Variants in IL6R observed in about 807,000 individuals in gnomAD.
The protein encoded by IL6R is interleukin-6 receptor subunit alpha.
A neutral mutation model predicts 48.3 loss-of-function variants in IL6R; 38 were observed. That is an observed-to-expected ratio of 0.79 (90% CI 0.61 to 1.03). The LOEUF (loss-of-function observed/expected upper bound fraction) is 1.03. Ranked by LOEUF, IL6R falls within the 50% of genes least tolerant of loss-of-function variation. The pLI, the probability that IL6R is intolerant of heterozygous loss-of-function variation, is 0.00. For missense variants in IL6R, 534 were observed against 618.3 expected, an observed-to-expected ratio of 0.86 and a Z score of 1.45; for synonymous variants, 264 against 256.2, an observed-to-expected ratio of 1.03 and a Z score of -0.29.
intron 1 of IL6R, among the ~76,000 whole-genome samples, chr1:154,423,279 A>ATATATG (rs1688788858): frequency 7.1e-6 from 1 of 140,754 alleles, no homozygotes; most frequent in African/African-American, 2.6e-5. Flanking sequence ...ATATATATAT[A>ATATATG]TATATGTATT....
At chr1:154,414,795 C>T in intron 1 of IL6R, 1 of 758,974 alleles carries the variant, frequency 1.3e-6, no homozygotes, top group Non-Finnish European at 2.4e-6. Flanking sequence ...CCATGTGGAA[C>T]TCAGCCACCC....
In IL6R at chr1:154,454,348, AT is replaced by A. The variant is rs1690751754; in HGVS notation, c.1067-136del. 1.3e-5 allele frequency: 8 copies of A among 624,474 alleles called. No individual in the cohort carries two copies. The East Asian group carries it at 2.2e-4, about 17-fold the overall frequency. The allele number at this position is 624,474 out of a possible 1,614,324, so 38.7% of individuals were successfully genotyped here. A position where few individuals can be genotyped will look rare whatever the true frequency, so the allele number is the denominator to read the frequency against. On this transcript the variant is annotated intron_variant, in intron 8 of 9. Transcript: ENST00000368485. ...GCCTGTTGGTTGGCAGAGCTGTTTC[AT>A]TTTCTGGGAGGGGGGTTGGAGGGGA...
chr1:154,415,191 G>A, intron 1 of IL6R: 1 of 694,014 alleles, frequency 1.4e-6, no homozygotes, highest in Non-Finnish European at 2.6e-6. Context: ...GGAGCTCAAG[G>A]CGCCGGCTGC....
At chr1:154,430,693 A>ACATTAT in intron 3 of IL6R, 87 bp downstream of exon 3, 1 of 1,529,684 alleles carries the variant, frequency 6.5e-7, no homozygotes, top group South Asian at 1.1e-5. Flanking sequence ...TGATTTCAAA[A>ACATTAT]CATTATCATT....
chr1:154,461,728 G>A (rs889694387), intron 9 of IL6R, among the ~76,000 whole-genome samples: 3 of 151,960 alleles, frequency 2.0e-5, no homozygotes, highest in Non-Finnish European at 2.9e-5. Flanking sequence ...TCAGTGTCTT[G>A]CCTCGGCACC....
At chr1:154,431,885 C>T (rs955370587) in intron 3 of IL6R, among the ~76,000 whole-genome samples, 3 of 152,192 alleles carry the variant, frequency 2.0e-5, no homozygotes, top group African/African-American at 7.2e-5. Context: ...TCTCGTCACA[C>T]TTCTCAGAAC....
chr1:154,454,257 TC>T (rs111309904), intron 8 of IL6R: 7 of 554,686 alleles, frequency 1.3e-5, no homozygotes, highest in African/African-American at 1.9e-5. Flanking sequence ...AATCCTGGAA[TC>T]TAGAGTGGGC....
rs564796842 is a variant in IL6R at position 154,415,850 on chromosome 1, G to T, written c.85+10136G>T. 1.8e-3 allele frequency among the ~76,000 whole-genome samples: 276 copies of T among 152,074 alleles called. 1 individual carries two copies. The highest frequency in any genetic ancestry group is 6.5e-3 in the African/African-American group (268 of 41,484). On this transcript the variant is annotated intron_variant, in intron 1 of 9. Transcript: ENST00000368485. ...AAAAAGTAGCCAGCTGTGGTGACAG[G>T]CACCTGTAATCCCAGCTACTCCGGA...
chr1:154,443,931 G>A (rs1690067936), intron 6 of IL6R, among the ~76,000 whole-genome samples: 1 of 152,098 alleles, frequency 6.6e-6, no homozygotes, highest in African/African-American at 2.4e-5. Context: ...TTGTCCAGGG[G>A]ACACCCCACC....
intron 1 of IL6R, chr1:154,414,947 G>A: frequency 1.6e-6 from 2 of 1,242,722 alleles, no homozygotes; most frequent in Non-Finnish European, 2.3e-6. Flanking sequence ...TCCTCGCATA[G>A]GATGCTCCAC....
At position 154,426,076 on chromosome 1, in the gene IL6R, G is replaced by GACACACACACACAC. The variant is rs34280647; in HGVS notation, c.86-3100_86-3087dup. Among the ~76,000 whole-genome samples the GACACACACACACAC allele has an allele frequency of 2.4e-3, 291 of 119,956 alleles. 1 individual carries two copies. Among genetic ancestry groups the GACACACACACACAC allele is most frequent in the African/African-American group, 8.4e-3 (267 of 31,812 alleles). 78.7% of individuals were successfully genotyped at this position (119,956 alleles called of 152,430 possible). On this transcript the variant is annotated intron_variant, in intron 1 of 9. Coordinates refer to ENST00000368485, the MANE Select transcript of IL6R (RefSeq NM_000565.4). ...GGCAGCAGACTGAGACCCTGTATCA[G>GACACACACACACAC]ACACACACACACACACACACACACA...
intron 1 of IL6R, among the ~76,000 whole-genome samples, chr1:154,411,552 C>T (rs1688019794): frequency 6.6e-6 from 1 of 152,164 alleles, no homozygotes; most frequent in Non-Finnish European, 1.5e-5. Context: ...TTGCAATCCA[C>T]ATCACTATAA....
At chr1:154,463,916 A>G (rs555116358) in intron 9 of IL6R, among the ~76,000 whole-genome samples, 1 of 152,174 alleles carries the variant, frequency 6.6e-6, no homozygotes, top group African/African-American at 2.4e-5. Context: ...CCGACAGTTG[A>G]GTCTGTGGGA....
chr1:154,429,994 G>A (rs1486459248), intron 2 of IL6R, among the ~76,000 whole-genome samples: 3 of 152,132 alleles, frequency 2.0e-5, no homozygotes, highest in Non-Finnish European at 2.9e-5. Context: ...CCAGTGCCCT[G>A]TGTGTCGAGC....
chr1:154,436,074 G>T lies in IL6R; in HGVS notation c.913G>T (p.Glu305Ter). The change falls in exon 6 of 10, where the codon GAG (glutamate) becomes TAG (stop). Residue 305 changes from glutamate to a stop codon, truncating the protein, a stop_gained. Transcript: ENST00000368485. LOFTEE classifies it high-confidence loss of function. Reference sequence around the variant, plus strand: ...GGAGTTCGGGCAAGGCGAGTGGAGCGAGTGGAGCCCGGAGGCCATGGGCAC... The same window carrying T: ...GGAGTTCGGGCAAGGCGAGTGGAGCTAGTGGAGCCCGGAGGCCATGGGCAC... ...QEEFGQGEWS[E>*]WSPEAMGTPW... 6.2e-7 allele frequency: 1 copy of T among 1,613,030 alleles called. No homozygotes were observed. Among genetic ancestry groups the T allele is most frequent in the Non-Finnish European group, 8.5e-7 (1 of 1,179,366 alleles).
intron 9 of IL6R, among the ~76,000 whole-genome samples, chr1:154,457,881 G>A (rs1001979492): frequency 5.9e-5 from 9 of 152,082 alleles, no homozygotes; most frequent in African/African-American, 9.7e-5. Context: ...ACTACCAAGT[G>A]TGGTGTGGGT....
chr1:154,448,438 G>C (rs1690396055), intron 7 of IL6R, among the ~76,000 whole-genome samples: 1 of 152,210 alleles, frequency 6.6e-6, no homozygotes, highest in Non-Finnish European at 1.5e-5. Context: ...GAGCTTTTTG[G>C]ACAACGCTAA....
intron 9 of IL6R, among the ~76,000 whole-genome samples, chr1:154,462,048 C>A (rs1691293628): frequency 6.6e-6 from 1 of 152,148 alleles, no homozygotes; most frequent in African/African-American, 2.4e-5. Flanking sequence ...TGGTCAGTGT[C>A]TAGGGCTACG....
chr1:154,459,296 T>C (rs1302171856), intron 9 of IL6R, among the ~76,000 whole-genome samples: 1 of 152,228 alleles, frequency 6.6e-6, no homozygotes, highest in Non-Finnish European at 1.5e-5. Flanking sequence ...ACAGGGCCAG[T>C]GCCCTGTGCT....
Sources: gnomAD v4.1 joint callset for allele counts (sites outside exome capture counted in the v4.1 genomes callset) on GRCh38, gnomAD v4.1.1 for gene constraint, MANE v1.5 for transcripts, NCBI Gene and HGNC (gene_info 2026-07-23, HGNC 2026-07-21) for gene names.